Variants in SSBP2 observed in about 807,000 individuals in gnomAD.
The protein encoded by SSBP2 is single-stranded DNA-binding protein 2.
A neutral mutation model predicts 61.8 loss-of-function variants in SSBP2; 17 were observed. The ratio of observed to expected loss-of-function variants is 0.28; its 90% CI spans 0.19 to 0.41. The LOEUF (loss-of-function observed/expected upper bound fraction) is 0.41, where lower values mean the gene tolerates loss of function less well. Among genes scored for constraint, SSBP2 ranks in the 10% least tolerant of loss-of-function variants. The pLI, the probability that SSBP2 is intolerant of heterozygous loss-of-function variation, is 1.00. For synonymous variants in SSBP2, 139 were observed against 141.3 expected (o/e 0.98, Z 0.12); for missense variants, 310 against 458.7 (o/e 0.68, Z 2.96).
chr5:81,729,912 A>C (rs1343483512), intron 1 of SSBP2, among the ~76,000 whole-genome samples: 1 of 152,190 alleles, frequency 6.6e-6, no homozygotes, highest in Non-Finnish European at 1.5e-5. Flanking sequence ...TTATATAAAT[A>C]GGCAAATACA....
At chr5:81,597,367 G>T (rs909508361) in intron 4 of SSBP2, among the ~76,000 whole-genome samples, 2 of 152,176 alleles carry the variant, frequency 1.3e-5, no homozygotes, top group Admixed American at 6.5e-5. Context: ...AACAGGTGCT[G>T]GAGAGGATGT....
chr5:81,669,436 G>C (rs1751416463), intron 1 of SSBP2, among the ~76,000 whole-genome samples: 1 of 152,152 alleles, frequency 6.6e-6, no homozygotes, highest in Non-Finnish European at 1.5e-5. Flanking sequence ...GATTTCAGTA[G>C]GTGAATGGAG....
rs376022948 is a variant in SSBP2, at chr5:81,522,419, T to C, written c.283-8702A>G. On this transcript the variant is annotated intron_variant, in intron 4 of 16. Coordinates refer to ENST00000320672, the MANE Select transcript of SSBP2 (RefSeq NM_012446.5). ...TTTTAAATACAATTTTTATAAACTT[T>C]CTGGAATGTCTTATTTCTAACATAA... Among the ~76,000 whole-genome samples, 511 of 152,160 alleles carry C rather than the reference T, an allele frequency of 3.4e-3. 5 individuals are homozygous for C. Among genetic ancestry groups the C allele is most frequent in the South Asian group, 7.3e-3 (35 of 4,824 alleles).
chr5:81,495,811 T>A (rs986885091), intron 5 of SSBP2, among the ~76,000 whole-genome samples: 1 of 152,138 alleles, frequency 6.6e-6, no homozygotes, highest in Non-Finnish European at 1.5e-5. Context: ...TTATATCTCA[T>A]CTTGGCTTTA....
chr5:81,570,467 CATAAATATAT>C (rs1214559253), intron 4 of SSBP2, among the ~76,000 whole-genome samples: 1 of 152,160 alleles, frequency 6.6e-6, no homozygotes, highest in Non-Finnish European at 1.5e-5. Context: ...AATGAACAAT[CATAAATATAT>C]AACAAGATCA....
Position 81,555,734 on chromosome 5 carries a change from T to C in SSBP2, c.283-42017A>G, listed in dbSNP as rs551363007. ...TGCTGTTAACATTTTATGTAAATCA[T>C]TTAGATAAAAATGAGATCAATGTAC... On this transcript the variant is annotated intron_variant, in intron 4 of 16. Transcript: ENST00000320672. Among the ~76,000 whole-genome samples the C allele has an allele frequency of 3.3e-5, 5 of 152,304 alleles. No individual in the cohort carries two copies. In the South Asian group the frequency reaches 1.0e-3, roughly 32 times the overall value.
chr5:81,634,549 TAC>T (rs1455117095), intron 3 of SSBP2, among the ~76,000 whole-genome samples: 1 of 152,232 alleles, frequency 6.6e-6, no homozygotes, highest in Admixed American at 6.5e-5. Context: ...TCAAATTTTT[TAC>T]AGAGTTTTAC....
chr5:81,512,022 T>C (rs1429459049), intron 5 of SSBP2, among the ~76,000 whole-genome samples: 2 of 152,196 alleles, frequency 1.3e-5, no homozygotes, highest in East Asian at 3.8e-4. Context: ...AATGAAAGAA[T>C]CTGGCTTCCT....
chr5:81,420,692 T>TA (rs1373599998), intron 16 of SSBP2, among the ~76,000 whole-genome samples, 159 bp from the exon 17 acceptor site: 3 of 152,322 alleles, frequency 2.0e-5, no homozygotes, highest in African/African-American at 7.2e-5. Flanking sequence ...ATAAAAAAAG[T>TA]AAAATGATAC....
At chr5:81,456,843 A>T (rs1764183350) in intron 10 of SSBP2, among the ~76,000 whole-genome samples, 1 of 152,262 alleles carries the variant, frequency 6.6e-6, no homozygotes, top group Non-Finnish European at 1.5e-5. Flanking sequence ...TAGGCAATAA[A>T]TACATATATT....
At chr5:81,667,288 C>CAT (rs956925273) in intron 1 of SSBP2, among the ~76,000 whole-genome samples, 1 of 24,034 alleles carries the variant, frequency 4.2e-5, no homozygotes, top group Non-Finnish European at 8.9e-5. Context: ...GATACAGATA[C>CAT]ACACACACAC....
intron 4 of SSBP2, among the ~76,000 whole-genome samples, chr5:81,574,381 A>G (rs1414058522): frequency 6.6e-6 from 1 of 152,140 alleles, no homozygotes; most frequent in Non-Finnish European, 1.5e-5. Flanking sequence ...TAAAATATGG[A>G]GGAAACAAAA....
intron 4 of SSBP2, among the ~76,000 whole-genome samples, chr5:81,559,737 G>A (rs2153408647): frequency 6.6e-6 from 1 of 151,624 alleles, no homozygotes; most frequent in South Asian, 2.1e-4. Flanking sequence ...TAATAATTTG[G>A]TCTTGTACAT....
chr5:81,595,573 A>G (rs1374935330), intron 4 of SSBP2, among the ~76,000 whole-genome samples: 1 of 152,212 alleles, frequency 6.6e-6, no homozygotes, highest in Non-Finnish European at 1.5e-5. Context: ...CTTGATGAAC[A>G]CTGATGCAAA....
At chr5:81,459,008 T>G (rs2153994168) in intron 10 of SSBP2, among the ~76,000 whole-genome samples, 1 of 152,340 alleles carries the variant, frequency 6.6e-6, no homozygotes, top group African/African-American at 2.4e-5. Context: ...TTTGCACATT[T>G]GGTATACATT....
At position 81,446,488 on chromosome 5, in the gene SSBP2, G is replaced by A. The variant is rs544699451; in HGVS notation, c.778+380C>T. ...ATCTTAGTAAGATAATAGATGTGGT[G>A]AGTCTGATTTGGCATTTTAAACCTA... is the stretch of plus-strand genomic sequence containing the variant. On this transcript the variant is annotated intron_variant, in intron 12 of 16. Coordinates refer to ENST00000320672, the MANE Select transcript of SSBP2 (RefSeq NM_012446.5). 1.0e-3 allele frequency among the ~76,000 whole-genome samples: 159 copies of A among 152,150 alleles called. 1 individual carries two copies. Among genetic ancestry groups the A allele is most frequent in the Non-Finnish European group, 1.4e-3 (95 of 67,984 alleles).
chr5:81,617,016 A>C (rs1447590604), intron 3 of SSBP2, among the ~76,000 whole-genome samples: 1 of 100,754 alleles, frequency 9.9e-6, no homozygotes, highest in Admixed American at 1.1e-4. Flanking sequence ...ACAGAACAGA[A>C]AAACTGGAAA....
Position 81,437,447 on chromosome 5 carries a change from T to C in SSBP2, c.940A>G (p.Met314Val), listed in dbSNP as rs1433322116. ...GCACTCACCTTGGAAATACTGTCCA[T>C]ATCTCCTGAGCCTGAAACAAAATAT... Residue 314 changes from methionine (M) to valine (V), a missense_variant, in exon 15 of 17, where the codon ATG (methionine) becomes GTG (valine). Coordinates refer to ENST00000320672, the MANE Select transcript of SSBP2 (RefSeq NM_012446.5). 4 of 1,606,998 alleles carry C rather than the reference T, an allele frequency of 2.5e-6. No homozygotes were observed. Among genetic ancestry groups the C allele is most frequent in the Middle Eastern group, 1.7e-4 (1 of 6,032 alleles).
At chr5:81,450,254 C>G (rs910226734) in intron 10 of SSBP2, among the ~76,000 whole-genome samples, 1 of 152,104 alleles carries the variant, frequency 6.6e-6, no homozygotes, top group Admixed American at 6.6e-5. Flanking sequence ...AACTCCTGAG[C>G]CAAGCGATCC....
Sources: allele counts gnomAD v4.1 joint callset (sites outside exome capture counted in the v4.1 genomes callset), GRCh38; gene constraint gnomAD v4.1.1; transcripts MANE v1.5; gene names NCBI Gene and HGNC (gene_info 2026-07-23, HGNC 2026-07-21).